PCDH9: variants seen among roughly 807,000 people sequenced by gnomAD.
PCDH9 encodes the protein protocadherin 9, also known as protocadherin-9.
A neutral mutation model predicts 70.6 loss-of-function variants in PCDH9; 24 were observed. That is an observed-to-expected ratio of 0.34 (90% CI 0.25 to 0.48). The LOEUF (loss-of-function observed/expected upper bound fraction) is 0.48. Among genes scored for constraint, PCDH9 ranks in the 20% least tolerant of loss-of-function variants. The pLI is 0.99. For missense variants in PCDH9, 1,281 were observed against 1,503.6 expected (o/e 0.85, Z 2.45); for synonymous variants, 562 against 558.5 (o/e 1.01, Z -0.09).
At position 66,555,522 on chromosome 13, in the gene PCDH9, T is replaced by C. The variant is rs568711560; in HGVS notation, c.3340+75688A>G. Among the ~76,000 whole-genome samples the C allele has an allele frequency of 2.0e-5, 3 of 152,268 alleles. No homozygotes were observed. The South Asian group carries it at 6.2e-4, about 32-fold the overall frequency. On this transcript the variant is annotated intron_variant, in intron 4 of 4. Transcript: ENST00000377865. ...TTTTAACCTCCCTCTTGAAAGTATT[T>C]AAGTTTTATTTGCATACCATAGTTA... is the stretch of plus-strand genomic sequence containing the variant.
At position 66,423,745 on chromosome 13, in the gene PCDH9, G is replaced by A. The variant is rs570835002; in HGVS notation, c.3341-118717C>T. 2.6e-5 allele frequency among the ~76,000 whole-genome samples: 4 copies of A among 152,286 alleles called. No individual in the cohort carries two copies. In the South Asian group the frequency reaches 6.2e-4, roughly 24 times the overall value. ...CATACTGAATGGGCAAAAGCTGGAA[G>A]CATTCCCTTTGAAAACCAGCACAAG... is the stretch of plus-strand genomic sequence containing the variant. On this transcript the variant is annotated intron_variant, in intron 4 of 4. Transcript: ENST00000377865.
At chr13:66,898,097 A>G (rs1381169102) in intron 3 of PCDH9, among the ~76,000 whole-genome samples, 1 of 152,052 alleles carries the variant, frequency 6.6e-6, no homozygotes, top group Non-Finnish European at 1.5e-5. Context: ...CTGATGCCCA[A>G]CATGCTTTCT....
At chr13:66,416,294 A>G (rs1010286284) in intron 4 of PCDH9, among the ~76,000 whole-genome samples, 1 of 150,984 alleles carries the variant, frequency 6.6e-6, no homozygotes, top group Non-Finnish European at 1.5e-5. Flanking sequence ...AGTGTATATC[A>G]TTAGCCCACG....
intron 2 of PCDH9, among the ~76,000 whole-genome samples, chr13:66,979,708 C>A (rs9571705): frequency 0.79 from 120,242 of 152,016 alleles, 48,011 homozygotes; most frequent in East Asian, 0.97. Context: ...TCATATCCCC[C>A]CCTTACAACT....
chr13:66,606,619 T>C (rs953114589), intron 4 of PCDH9, among the ~76,000 whole-genome samples: 1 of 152,150 alleles, frequency 6.6e-6, no homozygotes, highest in Non-Finnish European at 1.5e-5. Flanking sequence ...AATGCCTAGT[T>C]AAGTTTGAAT....
At chr13:66,533,282 T>A (rs895680410) in intron 4 of PCDH9, among the ~76,000 whole-genome samples, 1 of 152,168 alleles carries the variant, frequency 6.6e-6, no homozygotes, top group Non-Finnish European at 1.5e-5. Flanking sequence ...ATTGTACTAA[T>A]GCATTAAAAT....
At chr13:67,153,659 T>A (rs771091346) in intron 2 of PCDH9, among the ~76,000 whole-genome samples, 1 of 152,236 alleles carries the variant, frequency 6.6e-6, no homozygotes, top group Non-Finnish European at 1.5e-5. Context: ...ATATGGTTGA[T>A]GGAAGTTATA....
rs1210616459 is a variant in PCDH9 at position 66,956,751 on chromosome 13, A to AAAAC, written c.3037-53150_3037-53147dup. ...GGCAGCAGAGTGAGAATCCATCTCA[A>AAAAC]AAACAAACAAACAAAGTAGAAATGT... On this transcript the variant is annotated intron_variant, in intron 2 of 4. Transcript: ENST00000377865. Among the ~76,000 whole-genome samples, 4 of 152,188 alleles carry AAAAC rather than the reference A, an allele frequency of 2.6e-5. No individual in the cohort carries two copies. In the East Asian group the frequency reaches 5.8e-4, roughly 22 times the overall value.
At chr13:66,661,470 C>T (rs567254404) in intron 3 of PCDH9, among the ~76,000 whole-genome samples, 28 of 152,220 alleles carry the variant, frequency 1.8e-4, no homozygotes, top group African/African-American at 6.0e-4. Context: ...TTTCAATGTG[C>T]GGCTTCAGGA....
At chr13:66,702,045 T>C (rs1378857206) in intron 3 of PCDH9, among the ~76,000 whole-genome samples, 1 of 152,168 alleles carries the variant, frequency 6.6e-6, no homozygotes, top group Non-Finnish European at 1.5e-5. Flanking sequence ...CAGAGTGTAT[T>C]TTCAATTACA....
intron 3 of PCDH9, among the ~76,000 whole-genome samples, chr13:66,838,149 TA>T (rs775895371): frequency 1.1e-4 from 17 of 152,196 alleles, no homozygotes; most frequent in Non-Finnish European, 2.5e-4. Flanking sequence ...CATTCTATAA[TA>T]TTTTTTTCTC....
At chr13:66,655,632 T>G (rs959118381) in intron 3 of PCDH9, among the ~76,000 whole-genome samples, 1 of 152,102 alleles carries the variant, frequency 6.6e-6, no homozygotes, top group African/African-American at 2.4e-5. Context: ...TTAAGACAAA[T>G]AAGGCTTAGC....
At chr13:66,986,594 T>C (rs535067100) in intron 2 of PCDH9, among the ~76,000 whole-genome samples, 3 of 151,998 alleles carry the variant, frequency 2.0e-5, no homozygotes, top group Non-Finnish European at 2.9e-5. Context: ...AAGAATGACA[T>C]AGATATAGCT....
intron 4 of PCDH9, among the ~76,000 whole-genome samples, chr13:66,388,944 C>T (rs1337382843): frequency 6.6e-6 from 1 of 151,998 alleles, no homozygotes; most frequent in Non-Finnish European, 1.5e-5. Context: ...TTAAATTAAC[C>T]ATATTTTGTC....
At chr13:66,446,408 T>G (rs1034816665) in intron 4 of PCDH9, among the ~76,000 whole-genome samples, 1 of 152,052 alleles carries the variant, frequency 6.6e-6, no homozygotes, top group Non-Finnish European at 1.5e-5. Context: ...GTATAGCAAT[T>G]CCATTAAAAA....
intron 2 of PCDH9, among the ~76,000 whole-genome samples, chr13:66,963,604 A>T (rs914878637): frequency 6.6e-6 from 1 of 152,186 alleles, no homozygotes; most frequent in African/African-American, 2.4e-5. Context: ...CTTCTTAAAA[A>T]TTTGTCCCCT....
Position 66,658,384 on chromosome 13 carries a change from C to T in PCDH9, c.3139-26973G>A, listed in dbSNP as rs183423890. 5.3e-5 allele frequency among the ~76,000 whole-genome samples: 8 copies of T among 152,190 alleles called. No individual in the cohort carries two copies. The East Asian group carries it at 1.5e-3, about 29-fold the overall frequency. On this transcript the variant is annotated intron_variant, in intron 3 of 4. Transcript: ENST00000377865. ...AGATTATTTATGTGTCTGTTCCAGT[C>T]TATTGCTTAAACTATAGAATAAACA... is the stretch of plus-strand genomic sequence containing the variant.
intron 3 of PCDH9, among the ~76,000 whole-genome samples, chr13:66,836,716 G>A (rs992456533): frequency 2.0e-5 from 3 of 152,152 alleles, no homozygotes; most frequent in African/African-American, 7.2e-5. Flanking sequence ...TGGAAATTGA[G>A]TAATGTTTCC....
chr13:66,379,513 A>G (rs1956805811), intron 4 of PCDH9, among the ~76,000 whole-genome samples: 1 of 152,192 alleles, frequency 6.6e-6, no homozygotes, highest in South Asian at 2.1e-4. Flanking sequence ...CTGAGATGCA[A>G]GAATTACACA....
Sources: gnomAD v4.1 joint callset for allele counts (sites outside exome capture counted in the v4.1 genomes callset) on GRCh38, gnomAD v4.1.1 for gene constraint, MANE v1.5 for transcripts, NCBI Gene and HGNC (gene_info 2026-07-23, HGNC 2026-07-21) for gene names.